Variants in SGMS2 observed in about 807,000 individuals in gnomAD.
SGMS2 encodes sphingomyelin synthase 2, also known as phosphatidylcholine:ceramide cholinephosphotransferase 2.
SGMS2 carries 21 observed loss-of-function variants against 43.8 expected under a neutral mutation model. The ratio of observed to expected loss-of-function variants is 0.48; its 90% CI spans 0.34 to 0.69. The LOEUF is 0.69. Among genes scored for constraint, SGMS2 ranks in the 30% least tolerant of loss-of-function variants. The pLI is 0.01. For synonymous variants in SGMS2, 167 were observed against 160.6 expected, an observed-to-expected ratio of 1.04 and a Z score of -0.30; for missense variants, 384 against 443.2, an observed-to-expected ratio of 0.87 and a Z score of 1.20.
At chr4:107,858,971 G>T (rs907091743) in intron 2 of SGMS2, among the ~76,000 whole-genome samples, 19 of 152,202 alleles carry the variant, frequency 1.2e-4, no homozygotes, top group African/African-American at 4.6e-4. Context: ...GCAACAGTAC[G>T]GAAATTACTA....
At chr4:107,847,398 A>C (rs915114833) in intron 1 of SGMS2, among the ~76,000 whole-genome samples, 1 of 151,954 alleles carries the variant, frequency 6.6e-6, no homozygotes, top group East Asian at 1.9e-4. Context: ...TGTTTTTCTC[A>C]GGTTTGTCAA....
chr4:107,866,513 C>T (rs1452750360), intron 2 of SGMS2, among the ~76,000 whole-genome samples: 1 of 151,802 alleles, frequency 6.6e-6, no homozygotes, highest in Non-Finnish European at 1.5e-5. Flanking sequence ...TTGCAGTGAG[C>T]TGAGATCGCG....
chr4:107,848,118 T>C (rs1334839796), intron 1 of SGMS2, among the ~76,000 whole-genome samples: 1 of 152,180 alleles, frequency 6.6e-6, no homozygotes, highest in Non-Finnish European at 1.5e-5. Context: ...CTCTTTACTG[T>C]CTCCATAGTT....
At chr4:107,829,032 A>G (rs1043798556) in intron 1 of SGMS2, among the ~76,000 whole-genome samples, 4 of 152,238 alleles carry the variant, frequency 2.6e-5, no homozygotes. Context: ...TCTGAAGGAC[A>G]TTCTACTTCT....
At chr4:107,844,565 G>C (rs1335931331) in intron 1 of SGMS2, among the ~76,000 whole-genome samples, 1 of 152,002 alleles carries the variant, frequency 6.6e-6, no homozygotes, top group African/African-American at 2.4e-5. Flanking sequence ...ATTAAGCATG[G>C]AGGTGCACAC....
chr4:107,880,211 A>G (rs142313184), intron 2 of SGMS2, among the ~76,000 whole-genome samples: 1 of 152,286 alleles, frequency 6.6e-6, no homozygotes, highest in East Asian at 1.9e-4. Context: ...AGAAAGTGTC[A>G]TCAAGATACC....
intron 1 of SGMS2, among the ~76,000 whole-genome samples, chr4:107,840,652 TA>T (rs1218726510): frequency 1.3e-5 from 2 of 152,212 alleles, no homozygotes; most frequent in Non-Finnish European, 2.9e-5. Flanking sequence ...ATTCTTTCCC[TA>T]ACACCTTCCT....
intron 1 of SGMS2, among the ~76,000 whole-genome samples, chr4:107,826,830 A>G (rs1209711717): frequency 6.6e-6 from 1 of 152,162 alleles, no homozygotes; most frequent in East Asian, 1.9e-4. Flanking sequence ...TTTGGAAGAA[A>G]CTTTAGCACT....
chr4:107,862,624 C>G (rs565307622), intron 2 of SGMS2, among the ~76,000 whole-genome samples: 1 of 152,206 alleles, frequency 6.6e-6, no homozygotes, highest in Admixed American at 6.5e-5. Context: ...AGCATAGTGC[C>G]TTTTGAATGC....
intron 1 of SGMS2, among the ~76,000 whole-genome samples, chr4:107,857,434 G>C (rs1727484631): frequency 6.6e-6 from 1 of 151,768 alleles, no homozygotes; most frequent in African/African-American, 2.4e-5. Context: ...TTTTGATTAA[G>C]ATGGGATCTC....
Position 107,914,303 on chromosome 4 carries a change from C to G in SGMS2, c.*3750C>G, listed in dbSNP as rs574738737. On this transcript the variant is annotated 3_prime_UTR_variant, in exon 7 of 7. Transcript: ENST00000690982. ...TCATTATGCTGTGTTCTAAATAAAT[C>G]ATGAATGAGAAGAGTGCTTTATTGT... The G allele has an allele frequency of 2.6e-5, 4 of 152,144 alleles. No homozygotes were observed. The South Asian group carries it at 8.3e-4, about 32-fold the overall frequency. 9.4% of individuals were successfully genotyped at this position (152,144 alleles called of 1,614,324 possible). A position where few individuals can be genotyped will look rare whatever the true frequency, so the allele number is the denominator to read the frequency against.
chr4:107,906,021 T>C (rs537963749), intron 5 of SGMS2, among the ~76,000 whole-genome samples: 5 of 152,364 alleles, frequency 3.3e-5, no homozygotes, highest in African/African-American at 9.6e-5. Flanking sequence ...ACTCAGTTTA[T>C]AGTCAGTTCT....
intron 1 of SGMS2, among the ~76,000 whole-genome samples, chr4:107,845,449 A>G (rs898423956): frequency 1.3e-5 from 2 of 152,202 alleles, no homozygotes; most frequent in Non-Finnish European, 2.9e-5. Flanking sequence ...TTGTACCCCA[A>G]CATTCTCAAC....
chr4:107,903,135 A>G, intron 4 of SGMS2, 98 bp from the exon 5 acceptor site: 2 of 1,202,722 alleles, frequency 1.7e-6, no homozygotes, highest in Non-Finnish European at 2.4e-6. Context: ...GAAAAAAAAA[A>G]TCACAACCTG....
chr4:107,864,787 A>G (rs1727993205), intron 2 of SGMS2, among the ~76,000 whole-genome samples: 2 of 152,196 alleles, frequency 1.3e-5, no homozygotes, highest in Admixed American at 1.3e-4. Context: ...AAGTCACAAT[A>G]TATAAAGTGC....
rs572555808 is a variant in SGMS2 at position 107,895,552 on chromosome 4, C to A, written c.-2C>A. ...CCTTTTTGATCTGAAGACTAGGGGA[C>A]AATGGATATCATAGAGACAGCAAAA... On this transcript the variant is annotated 5_prime_UTR_variant, in exon 3 of 7. Transcript: ENST00000690982. 4.5e-5 allele frequency: 72 copies of A among 1,610,914 alleles called. No individual in the cohort carries two copies. The Admixed American group carries it at 9.2e-4, about 21-fold the overall frequency.
chr4:107,858,210 C>T (rs529215136), intron 1 of SGMS2, among the ~76,000 whole-genome samples: 1 of 152,284 alleles, frequency 6.6e-6, no homozygotes, highest in South Asian at 2.1e-4. Flanking sequence ...ATCTGCCTGC[C>T]TGCCCTGCTC....
At chr4:107,850,718 A>T in intron 1 of SGMS2, among the ~76,000 whole-genome samples, 1 of 152,088 alleles carries the variant, frequency 6.6e-6, no homozygotes, top group Middle Eastern at 3.2e-3. Flanking sequence ...CATGTGGCTG[A>T]CCTATTTACG....
intron 1 of SGMS2, among the ~76,000 whole-genome samples, chr4:107,847,163 G>A (rs1042130173): frequency 7.3e-5 from 11 of 151,496 alleles, no homozygotes; most frequent in Non-Finnish European, 1.3e-4. Flanking sequence ...ATTGCTTTTG[G>A]TGTTTTAGAC....
Sources: gnomAD v4.1 joint callset for allele counts (sites outside exome capture counted in the v4.1 genomes callset) on GRCh38, gnomAD v4.1.1 for gene constraint, MANE v1.5 for transcripts, NCBI Gene and HGNC (gene_info 2026-07-23, HGNC 2026-07-21) for gene names.